ERICH6: variants seen among roughly 807,000 people sequenced by gnomAD.
ERICH6 encodes the protein glutamate rich 6.
Under a neutral mutation model 71.0 loss-of-function variants are expected in ERICH6, and 71 were observed. The ratio of observed to expected loss-of-function variants is 1.00; its 90% CI spans 0.83 to 1.22. ERICH6 has a LOEUF of 1.22. Among genes scored for constraint, ERICH6 ranks in the 50% most tolerant of loss-of-function variants. The pLI, the probability that ERICH6 is intolerant of heterozygous loss-of-function variation, is 0.00. For synonymous variants in ERICH6, 262 were observed against 278.4 expected (o/e 0.94, Z 0.59); for missense variants, 808 against 797.2 (o/e 1.01, Z -0.16).
chr3:150,700,655 C>G lies in ERICH6; in HGVS notation c.461+1466G>C, dbSNP rs1576565355. On this transcript the variant is annotated intron_variant, in intron 2 of 13. Coordinates refer to ENST00000295910, the MANE Select transcript of ERICH6 (RefSeq NM_152394.5). ...CTGGAGTGCAGTGGTATGATCTCGG[C>G]TCACTGCAACCTCCACCTCCTGGGT... Among the ~76,000 whole-genome samples the G allele has an allele frequency of 4.6e-5, 7 of 152,056 alleles. No homozygotes were observed. In the East Asian group the frequency reaches 1.2e-3, roughly 25 times the overall value.
intron 3 of ERICH6, among the ~76,000 whole-genome samples, chr3:150,687,450 T>C (rs768882041): frequency 2.6e-5 from 4 of 152,258 alleles, no homozygotes; most frequent in Non-Finnish European, 5.9e-5. Context: ...GTTATAATCA[T>C]GCTTTGCATA....
In ERICH6 at chr3:150,671,676, G is replaced by A. The variant is rs577719488; in HGVS notation, c.1344-2225C>T. ...GGGTCTTGCTGTGTTGCCCAGGTCA[G>A]AGTGCAATGGCACGATCACAGCTCA... On this transcript the variant is annotated intron_variant, in intron 11 of 13. Transcript: ENST00000295910. Among the ~76,000 whole-genome samples the A allele has an allele frequency of 7.2e-5, 11 of 152,052 alleles. No homozygotes were observed. The South Asian group carries it at 2.1e-3, about 29-fold the overall frequency.
At chr3:150,697,564 C>T (rs1712698573) in intron 3 of ERICH6, among the ~76,000 whole-genome samples, 1 of 152,162 alleles carries the variant, frequency 6.6e-6, no homozygotes, top group Admixed American at 6.5e-5. Flanking sequence ...CCTCATCTTC[C>T]TAACCTCTGA....
intron 13 of ERICH6, 78 bp from the exon 14 acceptor site, chr3:150,660,233 C>T: frequency 6.6e-7 from 1 of 1,516,892 alleles, no homozygotes; most frequent in Non-Finnish European, 8.9e-7. Flanking sequence ...TGAGTCATGG[C>T]ACTTATGTGG....
intron 3 of ERICH6, among the ~76,000 whole-genome samples, chr3:150,688,096 T>C (rs1712271174): frequency 6.6e-6 from 1 of 152,112 alleles, no homozygotes; most frequent in Non-Finnish European, 1.5e-5. Flanking sequence ...GAAGCCTGGG[T>C]GACAGAGCAA....
rs1186836280 is a variant in ERICH6 at position 150,703,599 on chromosome 3, G to A, written c.300C>T (p.Ser100=). ...TAGAGGTCAGGCTAGGGCTGACGAT[G>A]CTGGCTAAGCGGGGGCGCACGTCTG... ...DFPDVRPRLA[S]IVSPSLTSTF... is the part of the protein sequence containing the mutation. Residue 100 remains serine (S), a synonymous_variant, in exon 1 of 14, where the codon AGC becomes AGT. Transcript: ENST00000295910. 6.2e-7 allele frequency: 1 copy of A among 1,614,062 alleles called. No individual in the cohort carries two copies. The highest frequency in any genetic ancestry group is 1.7e-5 in the Admixed American group (1 of 60,026).
chr3:150,694,771 T>A (rs1051436975), intron 3 of ERICH6, among the ~76,000 whole-genome samples: 7 of 152,226 alleles, frequency 4.6e-5, no homozygotes, highest in African/African-American at 1.7e-4. Context: ...TGGTTTATCA[T>A]CCCCACATCT....
intron 11 of ERICH6, among the ~76,000 whole-genome samples, chr3:150,669,690 T>A (rs1252612435): frequency 6.6e-6 from 1 of 152,192 alleles, no homozygotes; most frequent in African/African-American, 2.4e-5. Flanking sequence ...CGCACCATGA[T>A]GAAGTAGGGT....
chr3:150,685,936 G>A (rs1712166462), intron 5 of ERICH6, 30 bp downstream of exon 5: 2 of 1,595,914 alleles, frequency 1.3e-6, no homozygotes, highest in Non-Finnish European at 1.7e-6. Flanking sequence ...TGAGAACAGT[G>A]TACTAGTTAG....
At chr3:150,696,420 C>T (rs891998394) in intron 3 of ERICH6, among the ~76,000 whole-genome samples, 1 of 151,970 alleles carries the variant, frequency 6.6e-6, no homozygotes, top group African/African-American at 2.4e-5. Flanking sequence ...ATGTGAGAAT[C>T]ACAAGGAAAA....
intron 1 of ERICH6, among the ~76,000 whole-genome samples, chr3:150,702,589 G>T (rs900040851): frequency 2.0e-5 from 3 of 152,086 alleles, no homozygotes; most frequent in Admixed American, 2.0e-4. Flanking sequence ...AGACATTTTT[G>T]ATCATCGCAA....
At position 150,666,824 on chromosome 3, in the gene ERICH6, C is replaced by T. The variant is rs1170273150; in HGVS notation, c.1691G>A (p.Gly564Asp). 6.2e-7 allele frequency: 1 copy of T among 1,614,112 alleles called. No homozygotes were observed. Among genetic ancestry groups the T allele is most frequent in the African/African-American group, 1.3e-5 (1 of 75,028 alleles). ...DKISITFLAM[G>D]QQARISVGTK... ...TCCAACACTGATTCTTGCCTGTTGGCCCATTGCTAGAAAAGTTATAGAAAT... is the reference window on the plus strand; with the variant it reads ...TCCAACACTGATTCTTGCCTGTTGGTCCATTGCTAGAAAAGTTATAGAAAT... Residue 564 changes from glycine to aspartate, a missense_variant, in exon 13 of 14, where the codon GGC becomes GAC. Physicochemically the swap from Gly to Asp is moderately conservative, Grantham distance 94 (BLOSUM62 -1). Transcript: ENST00000295910.
At chr3:150,677,432 A>C (rs1309142915) in intron 10 of ERICH6, among the ~76,000 whole-genome samples, 1 of 152,190 alleles carries the variant, frequency 6.6e-6, no homozygotes, top group Non-Finnish European at 1.5e-5. Flanking sequence ...AAAATGGGTT[A>C]AACTACATGA....
chr3:150,681,722 T>C (rs1400007246), intron 7 of ERICH6, among the ~76,000 whole-genome samples: 1 of 152,108 alleles, frequency 6.6e-6, no homozygotes, highest in African/African-American at 2.4e-5. Flanking sequence ...TTATCTGTCT[T>C]TTAAATTATA....
chr3:150,686,221 C>T, intron 4 of ERICH6, 77 bp downstream of exon 4: 3 of 1,514,166 alleles, frequency 2.0e-6, no homozygotes, highest in Non-Finnish European at 1.8e-6. Context: ...CAGATGGGCT[C>T]TGTGCGAGTT....
chr3:150,702,189 A>G lies in ERICH6; in HGVS notation c.404-11T>C. On this transcript the variant is annotated splice_polypyrimidine_tract_variant and intron_variant, in intron 1 of 13. Coordinates refer to ENST00000295910, the MANE Select transcript of ERICH6 (RefSeq NM_152394.5). ...ATATTTTAGGGAAACCTGTTGAATG[A>G]AACATTTAAAAATCAGCTATTCCCT... The G allele has an allele frequency of 6.4e-7, 1 of 1,564,524 alleles. No homozygotes were observed. Among genetic ancestry groups the G allele is most frequent in the Non-Finnish European group, 8.7e-7 (1 of 1,143,576 alleles).
chr3:150,685,716 T>C (rs780147798), intron 6 of ERICH6, 26 bp downstream of exon 6: 2 of 1,524,948 alleles, frequency 1.3e-6, no homozygotes, highest in Admixed American at 3.4e-5. Context: ...TTAAGAGTAA[T>C]AATAAGAAAC....
intron 2 of ERICH6, among the ~76,000 whole-genome samples, chr3:150,701,016 C>G (rs1485123228): frequency 6.6e-6 from 1 of 152,088 alleles, no homozygotes; most frequent in Non-Finnish European, 1.5e-5. Context: ...TTAGAAACAA[C>G]CCCAGAGCAC....
At chr3:150,702,965 GA>G (rs2108085539) in intron 1 of ERICH6, among the ~76,000 whole-genome samples, 1 of 120,792 alleles carries the variant, frequency 8.3e-6, no homozygotes, top group Admixed American at 9.3e-5. Flanking sequence ...AGGGGAGAGG[GA>G]GGGGAGGAAG....
Sources: gnomAD v4.1 joint callset for allele counts (sites outside exome capture counted in the v4.1 genomes callset) on GRCh38, gnomAD v4.1.1 for gene constraint, MANE v1.5 for transcripts, NCBI Gene and HGNC (gene_info 2026-07-23, HGNC 2026-07-21) for gene names.